ULK4: variants seen among roughly 807,000 people sequenced by gnomAD.
ULK4 encodes the protein inactive serine/threonine-protein kinase ULK4.
ULK4 carries 133 observed loss-of-function variants against 160.6 expected under a neutral mutation model. The observed-to-expected ratio is 0.83, with a 90% confidence interval of 0.72 to 0.96. The LOEUF (loss-of-function observed/expected upper bound fraction) is 0.96, where lower values mean the gene tolerates loss of function less well. ULK4 is among the 40% of genes least tolerant of loss of function. ULK4 has a pLI of 0.00. For synonymous variants in ULK4, 534 were observed against 539.8 expected (o/e 0.99, Z 0.15); for missense variants, 1,580 against 1,499.5 (o/e 1.05, Z -0.89).
intron 31 of ULK4, among the ~76,000 whole-genome samples, chr3:41,595,767 T>C (rs531257430): frequency 1.8e-4 from 27 of 152,270 alleles, no homozygotes; most frequent in African/African-American, 5.5e-4. Context: ...GTGATAGTCA[T>C]TGGTGACATT....
chr3:41,845,303 T>G (rs1306062938), intron 17 of ULK4, among the ~76,000 whole-genome samples: 1 of 152,152 alleles, frequency 6.6e-6, no homozygotes, highest in Non-Finnish European at 1.5e-5. Context: ...TTAAATAAAC[T>G]GTGATTCAAC....
intron 31 of ULK4, among the ~76,000 whole-genome samples, chr3:41,595,369 C>A (rs1479852122): frequency 1.3e-5 from 2 of 152,204 alleles, no homozygotes; most frequent in African/African-American, 4.8e-5. Flanking sequence ...GGTAAGATAG[C>A]TGGCTGGCCA....
intron 21 of ULK4, among the ~76,000 whole-genome samples, chr3:41,773,545 C>G (rs1034452020): frequency 7.9e-5 from 12 of 152,104 alleles, no homozygotes; most frequent in Non-Finnish European, 1.6e-4. Flanking sequence ...AGGAGAACTA[C>G]AAACCACTGC....
intron 35 of ULK4, among the ~76,000 whole-genome samples, chr3:41,274,228 C>T (rs2079191358): frequency 6.6e-6 from 1 of 152,056 alleles, no homozygotes; most frequent in African/African-American, 2.4e-5. Flanking sequence ...CTTCTTTTGG[C>T]TGTTTCAAGG....
chr3:41,758,289 C>T (rs1245051391), intron 21 of ULK4, among the ~76,000 whole-genome samples: 1 of 152,050 alleles, frequency 6.6e-6, no homozygotes, highest in Non-Finnish European at 1.5e-5. Flanking sequence ...GCAGCCCAAA[C>T]ATACTAAGAT....
At chr3:41,856,717 GCAA>G (rs1575836673) in intron 17 of ULK4, among the ~76,000 whole-genome samples, 1 of 149,744 alleles carries the variant, frequency 6.7e-6, no homozygotes, top group East Asian at 2.0e-4. Flanking sequence ...ACCAGACTCA[GCAA>G]CATGGTGAAA....
intron 35 of ULK4, among the ~76,000 whole-genome samples, chr3:41,312,530 T>G (rs2080070737): frequency 6.6e-6 from 1 of 152,144 alleles, no homozygotes; most frequent in Admixed American, 6.5e-5. Flanking sequence ...GCCTGGTGTC[T>G]TAGGCCTATA....
intron 30 of ULK4, among the ~76,000 whole-genome samples, chr3:41,637,051 T>A (rs1318380584): frequency 6.6e-6 from 1 of 152,196 alleles, no homozygotes; most frequent in East Asian, 1.9e-4. Flanking sequence ...CATTAATATA[T>A]ACATTATCTT....
Position 41,935,374 on chromosome 3 carries a change from G to A in ULK4, c.378+427C>T, listed in dbSNP as rs952425675. 1.1e-4 allele frequency among the ~76,000 whole-genome samples: 16 copies of A among 151,406 alleles called. No homozygotes were observed. In the East Asian group the frequency reaches 2.1e-3, roughly 20 times the overall value. ...CTCAGATAGTTGGGACTACAGGAGC[G>A]CACCACCACGCCCAGCTAAATTTGT... On this transcript the variant is annotated intron_variant, in intron 4 of 36. Transcript: ENST00000301831.
chr3:41,760,389 A>G (rs2038948568), intron 21 of ULK4, among the ~76,000 whole-genome samples: 1 of 152,210 alleles, frequency 6.6e-6, no homozygotes, highest in South Asian at 2.1e-4. Flanking sequence ...TACCTATCAT[A>G]TATGCCTCAA....
intron 19 of ULK4, among the ~76,000 whole-genome samples, chr3:41,807,020 T>C (rs1447011029): frequency 2.6e-5 from 4 of 151,802 alleles, no homozygotes; most frequent in African/African-American, 4.8e-5. Context: ...CCCTGCTACT[T>C]GGGAAGCTGA....
intron 30 of ULK4, among the ~76,000 whole-genome samples, chr3:41,631,297 A>G (rs1304659423): frequency 6.6e-6 from 1 of 152,186 alleles, no homozygotes; most frequent in Non-Finnish European, 1.5e-5. Flanking sequence ...GTCATTTTAC[A>G]AAGATCTACA....
At chr3:41,324,113 A>G in intron 35 of ULK4, among the ~76,000 whole-genome samples, 1 of 152,212 alleles carries the variant, frequency 6.6e-6, no homozygotes, top group African/African-American at 2.4e-5. Flanking sequence ...AGCATCAAGA[A>G]GGCAGCCCAT....
chr3:41,477,990 A>G (rs754226584), intron 32 of ULK4, among the ~76,000 whole-genome samples: 2 of 152,198 alleles, frequency 1.3e-5, no homozygotes, highest in East Asian at 1.9e-4. Context: ...AGGTGTCTAC[A>G]TTGTGCTTGT....
At chr3:41,559,338 G>A (rs1381654561) in intron 32 of ULK4, among the ~76,000 whole-genome samples, 16 of 138,902 alleles carry the variant, frequency 1.2e-4, no homozygotes, top group African/African-American at 3.3e-4. Flanking sequence ...ATAAACATAC[G>A]TGTGCATGTG....
rs2037238566 is a variant in ULK4, at chr3:41,715,537, A to G, written c.2487T>C (p.Ser829=). The part of the protein sequence containing the change: ...GDILNSLANV[S]GRKHPSTVQV... The stretch of plus-strand genomic sequence containing the variant: ...GAACTGTTGATGGGTGTTTACGTCC[A>G]GAAACATTAGCCAAGGAGTTAAGAA... Residue 829 remains serine (S), a synonymous_variant, in exon 24 of 37, where the codon TCT becomes TCC. Coordinates refer to ENST00000301831, the MANE Select transcript of ULK4 (RefSeq NM_017886.4). 2.5e-6 allele frequency: 4 copies of G among 1,614,180 alleles called. No homozygotes were observed. In the South Asian group the frequency reaches 3.3e-5, roughly 13 times the overall value.
chr3:41,559,046 G>T (rs992142298), intron 32 of ULK4, among the ~76,000 whole-genome samples: 8 of 140,364 alleles, frequency 5.7e-5, no homozygotes, highest in East Asian at 2.1e-4. Context: ...CCCACAACAG[G>T]CCCCGGTGTA....
At chr3:41,955,944 G>T (rs1025732753) in intron 1 of ULK4, among the ~76,000 whole-genome samples, 4 of 152,232 alleles carry the variant, frequency 2.6e-5, no homozygotes, top group Admixed American at 1.3e-4. Context: ...CTGCACAGTG[G>T]GATAATATAT....
At chr3:41,537,107 G>A (rs1185683467) in intron 32 of ULK4, among the ~76,000 whole-genome samples, 8 of 152,078 alleles carry the variant, frequency 5.3e-5, no homozygotes, top group Admixed American at 2.6e-4. Flanking sequence ...CCATCAAGGT[G>A]TCTTCTTTAA....
Sources: gnomAD v4.1 joint callset for allele counts (sites outside exome capture counted in the v4.1 genomes callset) on GRCh38, gnomAD v4.1.1 for gene constraint, MANE v1.5 for transcripts, NCBI Gene and HGNC (gene_info 2026-07-23, HGNC 2026-07-21) for gene names.